The following ITGA7 variants were observed in gnomAD, a reference collection of about 807,000 sequenced individuals.
The protein encoded by ITGA7 is integrin subunit alpha 7.
A neutral mutation model predicts 131.6 loss-of-function variants in ITGA7; 84 were observed. The ratio of observed to expected loss-of-function variants is 0.64; its 90% CI spans 0.54 to 0.77. ITGA7 has a LOEUF of 0.77. Among genes scored for constraint, ITGA7 ranks in the 30% least tolerant of loss-of-function variants. The pLI is 0.00. For missense variants in ITGA7, 1,399 were observed against 1,482.9 expected (o/e 0.94, Z 0.93); for synonymous variants, 548 against 600.7 (o/e 0.91, Z 1.28).
In ITGA7 at chr12:55,700,004, G is replaced by A; in HGVS notation, c.671-15C>T. ...AAAAAGCAACCCTGTGGGGGGTGGG[G>A]TGAGACACCAGGGAGGGGACATCCA... is the stretch of plus-strand genomic sequence containing the variant. On this transcript the variant is annotated splice_polypyrimidine_tract_variant and intron_variant, in intron 4 of 24. Transcript: ENST00000257879. 2 of 1,613,902 alleles carry A rather than the reference G, an allele frequency of 1.2e-6. No individual in the cohort carries two copies. Among genetic ancestry groups the A allele is most frequent in the Non-Finnish European group, 1.7e-6 (2 of 1,179,866 alleles).
chr12:55,702,355 TGTTTTTAGTAGAGACGGG>T (rs1342534666), intron 3 of ITGA7, among the ~76,000 whole-genome samples: 1 of 152,112 alleles, frequency 6.6e-6, no homozygotes, highest in Non-Finnish European at 1.5e-5. Flanking sequence ...TAATTTTTTG[TGTTTTTAGTAGAGACGGG>T]GTTTCACCAT....
At chr12:55,707,042 G>T (rs545496766) in intron 1 of ITGA7, among the ~76,000 whole-genome samples, 9 of 152,336 alleles carry the variant, frequency 5.9e-5, no homozygotes, top group South Asian at 4.1e-4. Context: ...TCTGGAGTCT[G>T]CCCTGCATGC....
rs778003022 is a variant in ITGA7, at chr12:55,697,697, G to A, written c.1407C>T (p.Phe469=). 61 of 1,614,058 alleles carry A rather than the reference G, an allele frequency of 3.8e-5. No homozygotes were observed. The highest frequency in any genetic ancestry group is 4.9e-5 in the Non-Finnish European group (58 of 1,180,020). The change falls in exon 9 of 25, where the codon TTC becomes TTT. Residue 469 remains phenylalanine, a splice_region_variant and synonymous_variant. Transcript: ENST00000257879. ...VGSLADTAVL[F]RARPILHVSH... Reference sequence around the variant, plus strand: ...GGAAAAGGTTGAGAGGGGCTCACCTGAAGAGCACTGCGGTGTCAGCCAGGG... The same window carrying A: ...GGAAAAGGTTGAGAGGGGCTCACCTAAAGAGCACTGCGGTGTCAGCCAGGG...
rs755860721 is a variant in ITGA7, at chr12:55,685,050, A to G, written c.*8T>C. On this transcript the variant is annotated 3_prime_UTR_variant, in exon 25 of 25. Coordinates refer to ENST00000257879, the MANE Select transcript of ITGA7 (RefSeq NM_002206.3). ...GGGCAGCCACAGGCCAGGCTGGGACATGGGAACCTAGGCGGTGCCTGGCCC... is the reference window on the plus strand; with the variant it reads ...GGGCAGCCACAGGCCAGGCTGGGACGTGGGAACCTAGGCGGTGCCTGGCCC... 12 of 1,569,030 alleles carry G rather than the reference A, an allele frequency of 7.6e-6. No homozygotes were observed. The highest frequency in any genetic ancestry group is 1.8e-4 in the Middle Eastern group (1 of 5,660).
rs750920890 is a variant in ITGA7 at position 55,707,504 on chromosome 12, C to T, written c.179G>A (p.Arg60Gln). The change falls in exon 1 of 25, where the codon CGG becomes CAG. Residue 60 changes from arginine (R) to glutamine (Q), a missense_variant. Coordinates refer to ENST00000257879, the MANE Select transcript of ITGA7 (RefSeq NM_002206.3). ...SLFGFSVALH[R>Q]QLQPRPQSWL... ...GCTCTGGGGTCGGGGCTGCAACTGC[C>T]GGTGCAGGGCCACAGAGAAGCCGAA... 2.0e-5 allele frequency: 33 copies of T among 1,613,584 alleles called. No individual in the cohort carries two copies. Among genetic ancestry groups the T allele is most frequent in the Non-Finnish European group, 2.1e-5 (25 of 1,179,918 alleles).
At chr12:55,704,222 G>C (rs970122715) in intron 1 of ITGA7, among the ~76,000 whole-genome samples, 1 of 152,198 alleles carries the variant, frequency 6.6e-6, no homozygotes, top group Non-Finnish European at 1.5e-5. Flanking sequence ...CTTCCTGGGG[G>C]GCAAGGCCCA....
Position 55,707,656 on chromosome 12 carries a change from A to G in ITGA7, c.27T>C (p.Pro9=). The change falls in exon 1 of 25, where the codon CCT becomes CCC. Residue 9 remains proline, a synonymous_variant. Transcript: ENST00000257879. MAGARSRD[P]WGASGICYLF... The stretch of plus-strand genomic sequence containing the variant: ...GGTAGCAAATCCCGGAGGCCCCCCA[A>G]GGGTCGCGGCTCCGAGCCCCGGCCA... 7.5e-6 allele frequency: 12 copies of G among 1,590,484 alleles called. No individual in the cohort carries two copies. Among genetic ancestry groups the G allele is most frequent in the Non-Finnish European group, 1.0e-5 (12 of 1,168,284 alleles).
At chr12:55,693,903 C>G in intron 19 of ITGA7, 118 bp downstream of exon 19, 1 of 810,780 alleles carries the variant, frequency 1.2e-6, no homozygotes, top group Non-Finnish European at 2.1e-6. Flanking sequence ...AGGACAGAGG[C>G]CTCAAACTGC....
At chr12:55,709,589 T>G (rs1481882268), upstream of ITGA7, among the ~76,000 whole-genome samples, 1 of 152,110 alleles carries the variant, frequency 6.6e-6, no homozygotes, top group African/African-American at 2.4e-5. Context: ...TTTTAATATC[T>G]CAGAGCCCCA....
Position 55,684,665 on chromosome 12 carries a change from G to A in ITGA7, c.*393C>T, listed in dbSNP as rs1318778397. The A allele has an allele frequency of 1.4e-5, 3 of 220,260 alleles. No individual in the cohort carries two copies. Among genetic ancestry groups the A allele is most frequent in the Non-Finnish European group, 2.7e-5 (3 of 111,562 alleles). 13.6% of individuals were successfully genotyped at this position (220,260 alleles called of 1,614,324 possible). A position where few individuals can be genotyped will look rare whatever the true frequency, so the allele number is the denominator to read the frequency against. ...TCAGATGAGAGGGGAAACTAGAGAA[G>A]GAGCAGCCTGAGTCAGTGACACAAC... is the stretch of plus-strand genomic sequence containing the variant. On this transcript the variant is annotated 3_prime_UTR_variant, in exon 25 of 25. Transcript: ENST00000257879.
At position 55,698,980 on chromosome 12, in the gene ITGA7, C is replaced by T. The variant is rs1358724865; in HGVS notation, c.791-63G>A. 8 of 1,439,846 alleles carry T rather than the reference C, an allele frequency of 5.6e-6. 1 individual carries two copies. Among genetic ancestry groups the T allele is most frequent in the Non-Finnish European group, 7.6e-6 (8 of 1,051,130 alleles). 89.2% of individuals were successfully genotyped at this position (1,439,846 alleles called of 1,614,324 possible). On this transcript the variant is annotated intron_variant, in intron 5 of 24. Transcript: ENST00000257879. ...AAGACTCAGAAGCTGGGGTGTGTCA[C>T]AGCTCCCCCAGCCCCTGCCCCCTCC...
Position 55,696,913 on chromosome 12 carries a change from T to TG in ITGA7, c.1722dup (p.Met575HisfsTer65). The TG allele has an allele frequency of 6.2e-7, 1 of 1,614,170 alleles. No individual in the cohort carries two copies. Among genetic ancestry groups the TG allele is most frequent in the East Asian group, 2.2e-5 (1 of 44,890 alleles). On this transcript the variant is annotated frameshift_variant, in exon 12 of 25. Coordinates refer to ENST00000257879, the MANE Select transcript of ITGA7 (RefSeq NM_002206.3). LOFTEE classifies it high-confidence loss of function. ...TCAGTGTCCACCTGGAGCTGGAACA[T>TG]GGCGTCTCCACAGACTCGGTCATGC...
chr12:55,699,645 G>A, intron 5 of ITGA7: 1 of 586,906 alleles, frequency 1.7e-6, no homozygotes, highest in African/African-American at 1.9e-5. Context: ...CTTCCTCCAT[G>A]GAGACCCCTG....
At chr12:55,703,366 T>C (rs541891376) in intron 1 of ITGA7, among the ~76,000 whole-genome samples, 188 bp from the exon 2 acceptor site, 17 of 152,052 alleles carry the variant, frequency 1.1e-4, no homozygotes, top group African/African-American at 4.1e-4. Context: ...CATGCAGTCA[T>C]CACGTTGCAT....
At chr12:55,693,463 G>A (rs935425535) in intron 19 of ITGA7, 146 bp from the exon 20 acceptor site, 1 of 730,528 alleles carries the variant, frequency 1.4e-6, no homozygotes, top group African/African-American at 1.8e-5. Flanking sequence ...GCCTCCTGTA[G>A]TGCTGTGATT....
intron 3 of ITGA7, 56 bp from the exon 4 acceptor site, chr12:55,701,210 G>C: frequency 6.2e-7 from 1 of 1,613,014 alleles, no homozygotes; most frequent in South Asian, 1.1e-5. Context: ...ACCTGCTTGA[G>C]GCATGCTGCC....
intron 1 of ITGA7, 136 bp downstream of exon 1, chr12:55,707,341 T>A (rs535372500): frequency 5.7e-6 from 4 of 707,796 alleles, no homozygotes; most frequent in Admixed American, 4.8e-5. Context: ...AGGCTCCAGG[T>A]TGGGATGTGG....
In ITGA7 at chr12:55,692,824, C is replaced by G. The variant is rs754459718; in HGVS notation, c.2844+20G>C. ...CAGCACCCCGGAGCTCTGGCTGCAC[C>G]GAGTCTGGCCTGCCCTCACCAGGGT... is the stretch of plus-strand genomic sequence containing the variant. On this transcript the variant is annotated intron_variant, in intron 21 of 24. Transcript: ENST00000257879. The G allele has an allele frequency of 6.3e-7, 1 of 1,595,046 alleles. No individual in the cohort carries two copies. The highest frequency in any genetic ancestry group is 1.3e-5 in the African/African-American group (1 of 74,416).
At chr12:55,687,896 G>C in intron 24 of ITGA7, 75 bp downstream of exon 24, 4 of 1,603,374 alleles carry the variant, frequency 2.5e-6, no homozygotes, top group Non-Finnish European at 3.4e-6. Flanking sequence ...GTGGGTGGGT[G>C]ACAGAACCAC....
Sources: gnomAD v4.1 joint callset for allele counts (sites outside exome capture counted in the v4.1 genomes callset) on GRCh38, gnomAD v4.1.1 for gene constraint, MANE v1.5 for transcripts, NCBI Gene and HGNC (gene_info 2026-07-23, HGNC 2026-07-21) for gene names.